The following SYNE2 variants were observed in gnomAD, a reference collection of about 807,000 sequenced individuals.
SYNE2 encodes the protein nesprin-2.
SYNE2 carries 431 observed loss-of-function variants against 856.3 expected under a neutral mutation model. That is an observed-to-expected ratio of 0.50 (90% CI 0.47 to 0.55). SYNE2 has a LOEUF of 0.55. SYNE2 is among the 20% of genes least tolerant of loss of function. The probability of loss-of-function intolerance (pLI) is 0.00; values close to 1 mark genes in which losing one functional copy is unlikely to be tolerated. For synonymous variants in SYNE2, 2,923 were observed against 2,872.3 expected (o/e 1.02, Z -0.56); for missense variants, 8,129 against 8,023.2 (o/e 1.01, Z -0.50).
At chr14:63,902,407 CAAAAAAAAAAAAAA>C (rs10533353) in intron 1 of SYNE2, among the ~76,000 whole-genome samples, 1 of 74,644 alleles carries the variant, frequency 1.3e-5, no homozygotes, top group Non-Finnish European at 2.4e-5. Context: ...CGAGACTCCT[CAAAAAAAAAAAAAA>C]AAAAAAAAAG....
intron 1 of SYNE2, among the ~76,000 whole-genome samples, chr14:63,781,629 G>A (rs1887314209): frequency 6.6e-6 from 1 of 151,124 alleles, no homozygotes; most frequent in South Asian, 2.1e-4. Flanking sequence ...ATGAACCCCA[G>A]AGGTAGAGAG....
intron 2 of SYNE2, among the ~76,000 whole-genome samples, chr14:63,923,631 G>A (rs2095626410): frequency 1.3e-5 from 2 of 152,176 alleles, no homozygotes; most frequent in Non-Finnish European, 2.9e-5. Context: ...TAATGAGGAG[G>A]CAGAAGTTGA....
chr14:63,917,122 G>A (rs189727865), intron 2 of SYNE2, among the ~76,000 whole-genome samples: 1 of 152,122 alleles, frequency 6.6e-6, no homozygotes, highest in Admixed American at 6.5e-5. Context: ...TTTAATAAAG[G>A]CTTCTGGGTG....
Position 64,017,634 on chromosome 14 carries a change from C to T in SYNE2, c.4927C>T (p.Arg1643Ter), listed in dbSNP as rs770664731. Residue 1643 changes from arginine (R) to a stop codon, truncating the protein, a stop_gained, in exon 34 of 116, where the codon CGA becomes TGA. Transcript: ENST00000555002. LOFTEE classifies it high-confidence loss of function. ...KTEDYYENLGRALALWDKLFN... is the reference protein window; with the variant it reads ...KTEDYYENLG ...AGAAGATTACTATGAAAATCTTGGT[C>T]GAGCTCTAGCTTTGTGGGACAAACT... 11 of 1,612,788 alleles carry T rather than the reference C, an allele frequency of 6.8e-6. No homozygotes were observed. Among genetic ancestry groups the T allele is most frequent in the African/African-American group, 1.3e-5 (1 of 74,826 alleles).
rs939799929 is a variant in SYNE2 at position 64,213,020 on chromosome 14, G to A, written c.19056+15G>A. The A allele has an allele frequency of 1.2e-6, 2 of 1,612,434 alleles. No individual in the cohort carries two copies. Among genetic ancestry groups the A allele is most frequent in the African/African-American group, 2.7e-5 (2 of 75,000 alleles). Reference sequence around the variant, plus strand: ...CCTGCACTCCGGTACGGGCACTGCTGCCTAGAAATGGCACCTGGGCTGCTC... The same window carrying A: ...CCTGCACTCCGGTACGGGCACTGCTACCTAGAAATGGCACCTGGGCTGCTC... On this transcript the variant is annotated intron_variant, in intron 105 of 115. Transcript: ENST00000555002.
chr14:64,065,302 A>G (rs1246324717), intron 50 of SYNE2, 130 bp from the exon 51 acceptor site: 12 of 801,706 alleles, frequency 1.5e-5, no homozygotes, highest in Non-Finnish European at 2.4e-5. Flanking sequence ...TTCTAAAAGG[A>G]TAAGAGGTGG....
At chr14:64,216,434 A>G (rs1000094967) in intron 108 of SYNE2, 47 bp downstream of exon 108, 2 of 1,598,196 alleles carry the variant, frequency 1.3e-6, no homozygotes, top group Non-Finnish European at 1.7e-6. Context: ...TGTGAGTCAT[A>G]CTTACATTTG....
At chr14:64,043,559 G>T (rs568686564) in intron 45 of SYNE2, among the ~76,000 whole-genome samples, 1 of 152,064 alleles carries the variant, frequency 6.6e-6, no homozygotes, top group Non-Finnish European at 1.5e-5. Context: ...ACAGTCTAGC[G>T]ACCGAGTGCC....
intron 1 of SYNE2, among the ~76,000 whole-genome samples, chr14:63,853,588 A>T (rs1890952180): frequency 1.3e-5 from 2 of 151,574 alleles, no homozygotes; most frequent in Non-Finnish European, 2.9e-5. Context: ...TGGGCGGGAA[A>T]GATTTTGAAC....
intron 1 of SYNE2, among the ~76,000 whole-genome samples, chr14:63,814,869 C>CATATATATCCAT (rs1158314089): frequency 1.8e-4 from 9 of 49,290 alleles, no homozygotes; most frequent in East Asian, 4.4e-4. Context: ...TATATCTCTC[C>CATATATATCCAT]ATATATATCC....
chr14:63,874,045 A>G (rs954608625), intron 1 of SYNE2: 17 of 152,212 alleles, frequency 1.1e-4, no homozygotes, highest in Admixed American at 9.8e-4. Flanking sequence ...GGATTAGGAC[A>G]GTTAAAAACC....
intron 59 of SYNE2, among the ~76,000 whole-genome samples, 180 bp downstream of exon 59, chr14:64,089,876 A>G (rs1209213386): frequency 6.6e-6 from 1 of 152,204 alleles, no homozygotes; most frequent in Admixed American, 6.5e-5. Flanking sequence ...AGTACCACCT[A>G]TGTAAAGATA....
intron 7 of SYNE2, among the ~76,000 whole-genome samples, chr14:63,952,747 A>G (rs1442992066): frequency 2.6e-5 from 4 of 152,242 alleles, no homozygotes; most frequent in African/African-American, 9.6e-5. Context: ...ACTGACTGCT[A>G]TGTAGTTTAT....
chr14:63,959,855 T>C (rs1438114992), intron 8 of SYNE2, among the ~76,000 whole-genome samples: 4 of 152,146 alleles, frequency 2.6e-5, no homozygotes, highest in African/African-American at 7.2e-5. Context: ...GTATAAAATA[T>C]TTTCTCCATT....
At chr14:63,913,795 G>A (rs2095502376) in intron 2 of SYNE2, among the ~76,000 whole-genome samples, 1 of 91,162 alleles carries the variant, frequency 1.1e-5, no homozygotes. Context: ...TTGCGATATG[G>A]AAATTCAGGC....
intron 30 of SYNE2, among the ~76,000 whole-genome samples, chr14:64,004,162 C>A (rs1594796702): frequency 6.6e-6 from 1 of 150,864 alleles, no homozygotes; most frequent in African/African-American, 2.4e-5. Flanking sequence ...GTAGCTGGGA[C>A]TACAGGCGCA....
chr14:63,948,806 A>ATGTATGTGTGTGTGTGTG (rs1566885132), intron 6 of SYNE2, among the ~76,000 whole-genome samples: 3 of 102,764 alleles, frequency 2.9e-5, no homozygotes, highest in Admixed American at 1.0e-4. Context: ...ATATATATAT[A>ATGTATGTGTGTGTGTGTG]TATATATATA....
intron 1 of SYNE2, among the ~76,000 whole-genome samples, chr14:63,856,161 G>A (rs1891677481): frequency 6.6e-6 from 1 of 152,160 alleles, no homozygotes; most frequent in South Asian, 2.1e-4. Flanking sequence ...GTTAAGGGAG[G>A]GTAGGACTAA....
At chr14:64,065,383 A>C (rs1467586697) in intron 50 of SYNE2, 49 bp from the exon 51 acceptor site, 2 of 1,537,512 alleles carry the variant, frequency 1.3e-6, no homozygotes, top group African/African-American at 1.4e-5. Context: ...AAGTTTCAGG[A>C]AAACCATAAT....
Sources: allele counts gnomAD v4.1 joint callset (sites outside exome capture counted in the v4.1 genomes callset), GRCh38; gene constraint gnomAD v4.1.1; transcripts MANE v1.5; gene names NCBI Gene and HGNC (gene_info 2026-07-23, HGNC 2026-07-21).